ENPP6: variants seen among roughly 807,000 people sequenced by gnomAD.
ENPP6 encodes the protein glycerophosphocholine cholinephosphodiesterase ENPP6.
Under a neutral mutation model 42.0 loss-of-function variants are expected in ENPP6, and 32 were observed. That is an observed-to-expected ratio of 0.76 (90% confidence interval 0.58 to 1.02). The LOEUF (loss-of-function observed/expected upper bound fraction) is 1.02, where lower values mean the gene tolerates loss of function less well. Ranked by LOEUF, ENPP6 falls within the 50% of genes least tolerant of loss-of-function variation. The pLI, the probability that ENPP6 is intolerant of heterozygous loss-of-function variation, is 0.00. For missense variants in ENPP6, 552 were observed against 566.8 expected (o/e 0.97, Z 0.27); for synonymous variants, 213 against 216.0 (o/e 0.99, Z 0.12).
At chr4:184,157,940 A>AC (rs1737201288) in intron 1 of ENPP6, among the ~76,000 whole-genome samples, 1 of 152,072 alleles carries the variant, frequency 6.6e-6, no homozygotes, top group African/African-American at 2.4e-5. Context: ...TTAACAGTGG[A>AC]CATCTATAAG....
Position 184,131,520 on chromosome 4 carries a change from ATT to A in ENPP6, c.422-7250_422-7249del, listed in dbSNP as rs58927070. On this transcript the variant is annotated intron_variant, in intron 2 of 7. Coordinates refer to ENST00000296741, the MANE Select transcript of ENPP6 (RefSeq NM_153343.4). ...AGGCACCCATCACCATGCCCAGCTA[ATT>A]TTTTTTTTTTTTTGTATTTTTAGTA... is the stretch of plus-strand genomic sequence containing the variant. Among the ~76,000 whole-genome samples, 795 of 136,654 alleles carry A rather than the reference ATT, an allele frequency of 5.8e-3. 3 individuals carry two copies. Among genetic ancestry groups the A allele is most frequent in the African/African-American group, 6.6e-3 (234 of 35,570 alleles). The allele number at this position is 136,654 out of a possible 152,430, so 89.7% of individuals were successfully genotyped here.
chr4:184,107,980 T>A (rs530341055), intron 6 of ENPP6, among the ~76,000 whole-genome samples: 3 of 151,870 alleles, frequency 2.0e-5, no homozygotes, highest in African/African-American at 7.2e-5. Flanking sequence ...CTCTAAGAAA[T>A]CCTAAGAAAA....
At chr4:184,115,242 C>A (rs1296837694) in intron 5 of ENPP6, among the ~76,000 whole-genome samples, 1 of 152,184 alleles carries the variant, frequency 6.6e-6, no homozygotes, top group African/African-American at 2.4e-5. Context: ...TGGTTGGCAA[C>A]CTCCAGGGGC....
intron 1 of ENPP6, among the ~76,000 whole-genome samples, chr4:184,175,000 G>A (rs140270851): frequency 1.3e-5 from 2 of 152,324 alleles, no homozygotes; most frequent in African/African-American, 2.4e-5. Flanking sequence ...TCACACAAAA[G>A]CATCAGTGAG....
At chr4:184,136,239 T>C (rs1374381070) in intron 2 of ENPP6, among the ~76,000 whole-genome samples, 1 of 151,556 alleles carries the variant, frequency 6.6e-6, no homozygotes, top group Non-Finnish European at 1.5e-5. Flanking sequence ...TATATTAAAA[T>C]ATAAATTTCA....
chr4:184,153,321 C>T (rs1334160371), intron 2 of ENPP6, among the ~76,000 whole-genome samples: 1 of 151,890 alleles, frequency 6.6e-6, no homozygotes. Context: ...ACAGGGTTTC[C>T]CCATGTTGGT....
chr4:184,145,678 C>T lies in ENPP6; in HGVS notation c.421+7876G>A, dbSNP rs556714933. On this transcript the variant is annotated intron_variant, in intron 2 of 7. Transcript: ENST00000296741. ...AGTGAACGGCATAGGCAGTTGATGT[C>T]CAAATTTCTTTTTCAGAGAAACTCT... 1.6e-4 allele frequency among the ~76,000 whole-genome samples: 25 copies of T among 152,334 alleles called. No homozygotes were observed. In the East Asian group the frequency reaches 4.8e-3, roughly 29 times the overall value.
At chr4:184,186,638 A>C (rs1732638152) in intron 1 of ENPP6, among the ~76,000 whole-genome samples, 2 of 152,308 alleles carry the variant, frequency 1.3e-5, no homozygotes, top group Admixed American at 1.3e-4. Context: ...TCAAAAGGTT[A>C]AATACACAGA....
intron 1 of ENPP6, among the ~76,000 whole-genome samples, chr4:184,195,692 G>A (rs1732783548): frequency 6.6e-6 from 1 of 152,134 alleles, no homozygotes; most frequent in Non-Finnish European, 1.5e-5. Context: ...TACAATATTT[G>A]TCCTTTTGTT....
In ENPP6 at chr4:184,184,147, G is replaced by A. The variant is rs369321133; in HGVS notation, c.242-30414C>T. ...AAACCACTGAGATGTTAGAGTGTGA[G>A]TGAACAGCGGTAAGTTTTATCTTAA... On this transcript the variant is annotated intron_variant, in intron 1 of 7. Transcript: ENST00000296741. This position sits in a 1 kb window ranked among gnomAD's most constrained non-coding sequence, Gnocchi z 4.7. 6.6e-6 allele frequency among the ~76,000 whole-genome samples: 1 copy of A among 152,196 alleles called. No homozygotes were observed. Among genetic ancestry groups the A allele is most frequent in the South Asian group, 2.1e-4 (1 of 4,830 alleles).
At position 184,116,902 on chromosome 4, in the gene ENPP6, C is replaced by T. The variant is rs201276870; in HGVS notation, c.809G>A (p.Arg270His). 62 of 1,614,056 alleles carry T rather than the reference C, an allele frequency of 3.8e-5. No individual in the cohort carries two copies. The highest frequency in any genetic ancestry group is 3.2e-5 in the Non-Finnish European group (38 of 1,180,050). Residue 270 changes from arginine (R) to histidine (H), a missense_variant, in exon 5 of 8, where the codon CGC (arginine) becomes CAC (histidine). Around this residue, in one of 2 missense-constraint regions of ENPP6, gnomAD observed 545 missense variants for 546.3 expected, o/e 1.00. Transcript: ENST00000296741. Reference sequence around the variant, plus strand: ...CGGCCAAAGGCTCACAACAGGCCCGCGGTCCTTCACTTGCTGCAGGTCATT... The same window carrying T: ...CGGCCAAAGGCTCACAACAGGCCCGTGGTCCTTCACTTGCTGCAGGTCATT... ...SLNDLQQVKD[R>H]GPVVSLWPAP...
chr4:184,209,754 C>G (rs1242920912), intron 1 of ENPP6, among the ~76,000 whole-genome samples: 1 of 147,352 alleles, frequency 6.8e-6, no homozygotes, highest in East Asian at 2.0e-4. Context: ...AGATACCCCT[C>G]GAGAAGAGCA....
At chr4:184,121,034 TA>T (rs1382539100) in intron 3 of ENPP6, among the ~76,000 whole-genome samples, 1 of 152,158 alleles carries the variant, frequency 6.6e-6, no homozygotes, top group Non-Finnish European at 1.5e-5. Flanking sequence ...AAGAAGTATT[TA>T]ACCTTCAGAG....
intron 2 of ENPP6, among the ~76,000 whole-genome samples, chr4:184,138,625 C>T (rs981382725): frequency 2.6e-5 from 4 of 152,160 alleles, no homozygotes; most frequent in African/African-American, 9.7e-5. Flanking sequence ...ATGACTTTAG[C>T]AATAGGTATG....
rs35054008 is a variant in ENPP6, at chr4:184,128,595, C to CAA, written c.422-4325_422-4324dup. Among the ~76,000 whole-genome samples, 515 of 146,206 alleles carry CAA rather than the reference C, an allele frequency of 3.5e-3. 4 individuals are homozygous for CAA. Among genetic ancestry groups the CAA allele is most frequent in the African/African-American group, 8.6e-3 (346 of 40,258 alleles). On this transcript the variant is annotated intron_variant, in intron 2 of 7. Transcript: ENST00000296741. Reference sequence around the variant, plus strand: ...AGAAGAATAGATATAAAAGAATGGGCAAAAAAAAAAACCTACACACACAAA... The same window carrying CAA: ...AGAAGAATAGATATAAAAGAATGGGCAAAAAAAAAAAAACCTACACACACAAA...
intron 6 of ENPP6, among the ~76,000 whole-genome samples, chr4:184,112,064 A>G (rs866720390): frequency 6.9e-4 from 105 of 152,160 alleles, no homozygotes; most frequent in African/African-American, 2.4e-3. Context: ...AACTGTAAAC[A>G]TGACACGACT....
chr4:184,091,413 C>A, intron 7 of ENPP6, 31 bp from the exon 8 acceptor site: 1 of 1,576,922 alleles, frequency 6.3e-7, no homozygotes, highest in South Asian at 1.2e-5. Flanking sequence ...AACAAGTTGT[C>A]ATGGCAGCTC....
intron 2 of ENPP6, among the ~76,000 whole-genome samples, chr4:184,148,142 C>T (rs1408437640): frequency 1.3e-5 from 2 of 152,144 alleles, no homozygotes; most frequent in African/African-American, 4.8e-5. Context: ...TCATCTATCT[C>T]CTTCACTGGA....
intron 1 of ENPP6, among the ~76,000 whole-genome samples, chr4:184,207,957 C>G (rs542215344): frequency 6.6e-6 from 1 of 152,274 alleles, no homozygotes; most frequent in Admixed American, 6.5e-5. Context: ...GCCTGTGTCT[C>G]TTCGCCTTCC....
Sources: allele counts gnomAD v4.1 joint callset (sites outside exome capture counted in the v4.1 genomes callset), GRCh38; gene constraint gnomAD v4.1.1; regional missense constraint gnomAD v4.1.1; non-coding constraint Gnocchi (gnomAD v3.1); transcripts MANE v1.5; gene names NCBI Gene and HGNC (gene_info 2026-07-23, HGNC 2026-07-21).